ADGRG2: variants seen among roughly 807,000 people sequenced by gnomAD.
ADGRG2 encodes the protein G protein-coupled receptor 64.
ADGRG2 carries 26 observed loss-of-function variants against 74.1 expected under a neutral mutation model. The ratio of observed to expected loss-of-function variants is 0.35; its 90% CI spans 0.26 to 0.49. The LOEUF (loss-of-function observed/expected upper bound fraction) is 0.49, where lower values mean the gene tolerates loss of function less well. ADGRG2 is among the 20% of genes least tolerant of loss of function. The pLI, the probability that ADGRG2 is intolerant of heterozygous loss-of-function variation, is 0.99. For synonymous variants in ADGRG2, 296 were observed against 295.2 expected, an observed-to-expected ratio of 1.00 and a Z score of -0.03; for missense variants, 619 against 763.1, an observed-to-expected ratio of 0.81 and a Z score of 2.22.
At chrX:19,047,804 G>C (rs997308425) in intron 3 of ADGRG2, among the ~76,000 whole-genome samples, 2 of 111,501 alleles carry the variant, frequency 1.8e-5, no homozygotes, top group African/African-American at 6.5e-5. Context: ...ACTCTTCCAG[G>C]AACGGCATTT....
chrX:19,016,301 T>C (rs761962326), intron 15 of ADGRG2, among the ~76,000 whole-genome samples: 13 of 111,319 alleles, frequency 1.2e-4, no homozygotes, highest in Admixed American at 1.1e-3. Context: ...CACATCAGTA[T>C]GTTTTAAAAA....
intron 1 of ADGRG2, among the ~76,000 whole-genome samples, chrX:19,111,197 G>A (rs1368845882): frequency 9.0e-6 from 1 of 111,373 alleles, no homozygotes; most frequent in Non-Finnish European, 1.9e-5. Context: ...TTTGCATGAG[G>A]GTGACAGGGA....
chrX:18,996,038 G>C lies in ADGRG2; in HGVS notation c.2716+13C>G. ...GATTTAAGAGGAAGAGAAAAAGTGA[G>C]GTAAATCTTTACCAGAATTTTCAGC... On this transcript the variant is annotated intron_variant, in intron 27 of 28. Coordinates refer to ENST00000379869, the MANE Select transcript of ADGRG2 (RefSeq NM_001079858.3). 8 of 906,320 alleles carry C rather than the reference G, an allele frequency of 8.8e-6. No homozygotes were observed. Among genetic ancestry groups the C allele is most frequent in the Non-Finnish European group, 1.3e-5 (8 of 619,400 alleles). The allele number at this position is 906,320 out of a possible 1,213,427, so 74.7% of individuals were successfully genotyped here. A position where few individuals can be genotyped will look rare whatever the true frequency, so the allele number is the denominator to read the frequency against.
intron 15 of ADGRG2, among the ~76,000 whole-genome samples, chrX:19,018,151 G>C (rs1327227385): frequency 1.8e-5 from 2 of 111,228 alleles, no homozygotes; most frequent in African/African-American, 6.5e-5. Context: ...TTGAGACAGC[G>C]TGTTGCTCTG....
chrX:19,104,031 C>G (rs1602122801), intron 1 of ADGRG2, among the ~76,000 whole-genome samples: 1 of 111,667 alleles, frequency 9.0e-6, no homozygotes, highest in East Asian at 2.8e-4. Context: ...CCACTTCAGT[C>G]TGGGGAAGAA....
chrX:19,074,820 C>CT (rs1265669316), intron 2 of ADGRG2, among the ~76,000 whole-genome samples: 1 of 109,484 alleles, frequency 9.1e-6, no homozygotes, highest in Non-Finnish European at 1.9e-5. Context: ...ATCCACCCGG[C>CT]TCGGCCTCCC....
intron 4 of ADGRG2, chrX:19,039,350 T>C: frequency 3.0e-6 from 1 of 329,780 alleles, no homozygotes; most frequent in South Asian, 2.6e-5. Context: ...GGCTTCCAGA[T>C]ACATAGTAGT....
intron 16 of ADGRG2, among the ~76,000 whole-genome samples, chrX:19,012,205 C>A (rs1243681563): frequency 3.6e-5 from 4 of 111,746 alleles, no homozygotes; most frequent in Non-Finnish European, 5.6e-5. Flanking sequence ...GGAACCATTA[C>A]GTTTATTCTA....
chrX:19,034,498 A>G (rs2060892925), intron 7 of ADGRG2: 2 of 111,990 alleles, frequency 1.8e-5, no homozygotes, highest in African/African-American at 6.5e-5. Flanking sequence ...ACACTTAAGA[A>G]TGATGATGTT....
At chrX:19,024,010 T>A (rs1022565383) in intron 11 of ADGRG2, 62 bp from the exon 12 acceptor site, 1 of 827,654 alleles carries the variant, frequency 1.2e-6, no homozygotes, top group South Asian at 2.1e-5. Flanking sequence ...ATTGAAAACA[T>A]GTTAGATTTT....
intron 16 of ADGRG2, 54 bp from the exon 17 acceptor site, chrX:19,010,832 A>G: frequency 1.0e-6 from 1 of 959,258 alleles, no homozygotes; most frequent in Non-Finnish European, 1.4e-6. Context: ...ACCCACTAAT[A>G]AAGATAAACG....
rs748956931 is a variant in ADGRG2, at chrX:19,006,115, T to C, written c.1736-10A>G. On this transcript the variant is annotated splice_polypyrimidine_tract_variant and intron_variant, in intron 21 of 28. Coordinates refer to ENST00000379869, the MANE Select transcript of ADGRG2 (RefSeq NM_001079858.3). ...CAGCCTCCTCTGCCACCTGTTGGCA[T>C]TGGGAAGAACATCTGTCCCATCAGC... The C allele has an allele frequency of 2.6e-6, 3 of 1,171,647 alleles. No homozygotes were observed. Among genetic ancestry groups the C allele is most frequent in the Middle Eastern group, 2.3e-4 (1 of 4,261 alleles).
At chrX:19,073,693 G>T (rs1467496161) in intron 2 of ADGRG2, among the ~76,000 whole-genome samples, 1 of 112,010 alleles carries the variant, frequency 8.9e-6, no homozygotes, top group Non-Finnish European at 1.9e-5. Flanking sequence ...TAGAAAGGGA[G>T]AAATAGCTTG....
chrX:19,025,868 C>T (rs1367939883), intron 11 of ADGRG2, among the ~76,000 whole-genome samples: 1 of 110,083 alleles, frequency 9.1e-6, no homozygotes, highest in Non-Finnish European at 1.9e-5. Context: ...TGTATTCCAG[C>T]CTGGGCAACA....
intron 25 of ADGRG2, 59 bp downstream of exon 25, chrX:18,999,802 T>A (rs1334186510): frequency 1.4e-6 from 1 of 705,568 alleles, no homozygotes; most frequent in Admixed American, 2.3e-5. Context: ...TCCTCCGTTT[T>A]CTAGGAGCAT....
At chrX:19,006,190 G>T (rs1277075383) in intron 21 of ADGRG2, 30 bp downstream of exon 21, 6 of 1,152,071 alleles carry the variant, frequency 5.2e-6, no homozygotes, top group Non-Finnish European at 7.1e-6. Context: ...ACCCACTCAA[G>T]AGTTTGAAAA....
intron 3 of ADGRG2, among the ~76,000 whole-genome samples, chrX:19,052,383 A>AAGTC (rs2061337970): frequency 1.8e-5 from 2 of 111,183 alleles, no homozygotes; most frequent in African/African-American, 6.5e-5. Context: ...GTTGATCACA[A>AAGTC]AGTCATCGGC....
At chrX:19,024,011 G>A (rs1281536710) in intron 11 of ADGRG2, 63 bp from the exon 12 acceptor site, 7 of 822,994 alleles carry the variant, frequency 8.5e-6, no homozygotes, top group Non-Finnish European at 1.3e-5. Flanking sequence ...TTGAAAACAT[G>A]TTAGATTTTA....
At chrX:19,029,179 TCTA>T (rs755387308) in intron 9 of ADGRG2, among the ~76,000 whole-genome samples, 1 of 111,874 alleles carries the variant, frequency 8.9e-6, no homozygotes, top group African/African-American at 3.2e-5. Flanking sequence ...CAGCAACTTT[TCTA>T]CTAAGAACCT....
Sources: gnomAD v4.1 joint callset for allele counts (sites outside exome capture counted in the v4.1 genomes callset) on GRCh38, gnomAD v4.1.1 for gene constraint, MANE v1.5 for transcripts, NCBI Gene and HGNC (gene_info 2026-07-23, HGNC 2026-07-21) for gene names.